Variants in MICAL3 observed in about 807,000 individuals in gnomAD.
MICAL3 encodes [F-actin]-monooxygenase MICAL3.
In MICAL3, 62 loss-of-function variants were observed where a neutral mutation model predicts 207.4. That is an observed-to-expected ratio of 0.30 (90% confidence interval 0.24 to 0.37). The LOEUF is 0.37. Ranked by LOEUF, MICAL3 falls within the 10% of genes least tolerant of loss-of-function variation. The pLI is 1.00. For synonymous variants in MICAL3, 1,077 were observed against 1,069.3 expected (o/e 1.01, Z -0.14); for missense variants, 2,368 against 2,635.6 (o/e 0.90, Z 2.22).
rs1241234299 is a variant in MICAL3 at position 17,791,091 on chromosome 22, G to C, written c.5751-20C>G. On this transcript the variant is annotated intron_variant, in intron 30 of 31. Coordinates refer to ENST00000441493, the MANE Select transcript of MICAL3 (RefSeq NM_015241.3). The stretch of plus-strand genomic sequence containing the variant: ...CGGGCACTGAGGAGGCAGGGCAGGA[G>C]GGAGACAAGCCACAGTGACTGGGGA... 1.2e-6 allele frequency: 2 copies of C among 1,609,616 alleles called. No individual in the cohort carries two copies. The highest frequency in any genetic ancestry group is 1.7e-6 in the Non-Finnish European group (2 of 1,178,784).
At position 17,801,850 on chromosome 22, in the gene MICAL3, C is replaced by T. The variant is rs1019396469; in HGVS notation, c.5650+6994G>A. ...CGGAGCTTGCAGTGAGCCAAAATCGCGCCACTGCATTCCAGCCTGGGCGAC... is the reference window on the plus strand; with the variant it reads ...CGGAGCTTGCAGTGAGCCAAAATCGTGCCACTGCATTCCAGCCTGGGCGAC... On this transcript the variant is annotated intron_variant, in intron 29 of 31. Transcript: ENST00000441493. Among the ~76,000 whole-genome samples, 4 of 151,996 alleles carry T rather than the reference C, an allele frequency of 2.6e-5. No individual in the cohort carries two copies. The Middle Eastern group carries it at 0.01, about 388-fold the overall frequency.
Position 17,871,880 on chromosome 22 carries a change from G to T in MICAL3, c.2385C>A (p.Ala795=). ...HRSCFKCEYC[A]TTLRLSAYAY... ...CGTAGGCCGAGAGGCGCAGGGTGGT[G>T]GCGCAGTACTCGCACTTGAAGCAGC... The change falls in exon 17 of 32, where the codon GCC becomes GCA. Residue 795 remains alanine, a synonymous_variant. Transcript: ENST00000441493. 1 of 1,611,244 alleles carries T rather than the reference G, an allele frequency of 6.2e-7. No individual in the cohort carries two copies. Among genetic ancestry groups the T allele is most frequent in the East Asian group, 2.2e-5 (1 of 44,796 alleles).
At chr22:17,923,882 A>G (rs1932853565) in intron 1 of MICAL3, among the ~76,000 whole-genome samples, 1 of 152,218 alleles carries the variant, frequency 6.6e-6, no homozygotes, top group Admixed American at 6.5e-5. Context: ...GAGACTGGGT[A>G]ATTTATAAAG....
intron 16 of MICAL3, among the ~76,000 whole-genome samples, chr22:17,882,856 C>A (rs2146211766): frequency 6.6e-6 from 1 of 152,322 alleles, no homozygotes; most frequent in Middle Eastern, 3.4e-3. Flanking sequence ...ATTCCACTGC[C>A]CACACAGCCT....
intron 1 of MICAL3, among the ~76,000 whole-genome samples, chr22:17,975,993 G>A (rs1458035209): frequency 9.9e-5 from 15 of 151,996 alleles, no homozygotes; most frequent in Admixed American, 9.8e-4. Context: ...AGGTTGCAGT[G>A]AGCCGAGATA....
chr22:17,937,658 C>T (rs1230287559), intron 1 of MICAL3, among the ~76,000 whole-genome samples: 6 of 152,116 alleles, frequency 3.9e-5, no homozygotes, highest in South Asian at 2.1e-4. Context: ...AGTGAAACTC[C>T]GTCTCAAAAT....
chr22:17,810,695 G>A lies in MICAL3; in HGVS notation c.5556+8C>T, dbSNP rs960457419. 5.6e-5 allele frequency: 91 copies of A among 1,612,096 alleles called. No individual in the cohort carries two copies. Among genetic ancestry groups the A allele is most frequent in the Non-Finnish European group, 7.6e-5 (90 of 1,178,258 alleles). ...CATGTGCCCTGGTCCCATCCTCCATGGTTTTACCTGGGCTCGATGCAGCCG... is the reference window on the plus strand; with the variant it reads ...CATGTGCCCTGGTCCCATCCTCCATAGTTTTACCTGGGCTCGATGCAGCCG... On this transcript the variant is annotated splice_region_variant and intron_variant, in intron 28 of 31. Coordinates refer to ENST00000441493, the MANE Select transcript of MICAL3 (RefSeq NM_015241.3).
At chr22:17,842,588 C>T (rs769998461) in intron 19 of MICAL3, 4 of 159,448 alleles carry the variant, frequency 2.5e-5, no homozygotes, top group East Asian at 3.7e-4. Context: ...GCCACGTGGG[C>T]GATGCTGCCC....
chr22:17,911,595 G>A (rs1372137928), intron 1 of MICAL3, among the ~76,000 whole-genome samples: 1 of 152,188 alleles, frequency 6.6e-6, no homozygotes, highest in Admixed American at 6.5e-5. Context: ...CACTTTAGGA[G>A]GCCAAGGTAG....
chr22:17,977,377 G>C (rs780302132), intron 1 of MICAL3, among the ~76,000 whole-genome samples: 1 of 152,040 alleles, frequency 6.6e-6, no homozygotes, highest in Non-Finnish European at 1.5e-5. Context: ...AACAGCCAAA[G>C]GATTTGGACA....
In MICAL3 at chr22:17,818,742, T is replaced by C. The variant is rs148613283; in HGVS notation, c.3919A>G (p.Arg1307Gly). 6.0e-3 allele frequency: 9,640 copies of C among 1,602,846 alleles called. 51 individuals are homozygous for C. Among genetic ancestry groups the C allele is most frequent in the Middle Eastern group, 0.014 (83 of 6,022 alleles). The change falls in exon 26 of 32, where the codon AGA (arginine) becomes GGA (glycine). Residue 1307 changes from arginine (R) to glycine (G), a missense_variant. By Grantham distance (125) the Arg-to-Gly change is moderately radical. Around this residue, in one of 4 missense-constraint regions of MICAL3, gnomAD observed 1,770 missense variants for 1,863.2 expected, o/e 0.95. Coordinates refer to ENST00000441493, the MANE Select transcript of MICAL3 (RefSeq NM_015241.3). ...PVQSQSDTKDRLGSPLAVDEA... is the reference protein window; with the variant it reads ...PVQSQSDTKDGLGSPLAVDEA... ...TCCACAGCAAGGGGGCTGCCCAGTC[T>C]GTCCTTGGTGTCACTTTGGCTTTGG...
At chr22:17,964,327 G>A (rs1320659906) in intron 1 of MICAL3, among the ~76,000 whole-genome samples, 1 of 152,124 alleles carries the variant, frequency 6.6e-6, no homozygotes, top group African/African-American at 2.4e-5. Flanking sequence ...TTATATGATT[G>A]AGGCCAAATA....
At chr22:17,875,989 G>C (rs1474588779) in intron 16 of MICAL3, among the ~76,000 whole-genome samples, 1 of 152,224 alleles carries the variant, frequency 6.6e-6, no homozygotes, top group Non-Finnish European at 1.5e-5. Flanking sequence ...ATTGGCCTTA[G>C]AAGTAGCAGG....
intron 1 of MICAL3, among the ~76,000 whole-genome samples, chr22:17,926,710 C>T (rs866691296): frequency 7.9e-5 from 12 of 152,324 alleles, no homozygotes; most frequent in Middle Eastern, 6.8e-3. Context: ...AGGCCGGAGG[C>T]GTGGGCGTGC....
intron 1 of MICAL3, among the ~76,000 whole-genome samples, chr22:17,987,099 G>A (rs1921107984): frequency 6.6e-6 from 1 of 152,046 alleles, no homozygotes; most frequent in Non-Finnish European, 1.5e-5. Context: ...AAATTGTCCA[G>A]GCATAGGGGT....
chr22:17,915,137 A>G (rs1932404449), intron 1 of MICAL3, among the ~76,000 whole-genome samples: 1 of 152,254 alleles, frequency 6.6e-6, no homozygotes, highest in Non-Finnish European at 1.5e-5. Flanking sequence ...AAGGGCCGGA[A>G]TCCAATCTAT....
chr22:18,005,651 CA>C (rs1923341844), intron 1 of MICAL3: 1 of 152,140 alleles, frequency 6.6e-6, no homozygotes, highest in South Asian at 2.1e-4. Context: ...ATATTCTGCC[CA>C]TGAGAGTGTG....
intron 1 of MICAL3, chr22:18,001,544 T>G (rs1041003446): frequency 1.3e-5 from 2 of 152,264 alleles, no homozygotes; most frequent in Non-Finnish European, 2.9e-5. Context: ...GGGCGGGGGT[T>G]GTGGCCCTCG....
chr22:17,899,909 A>T (rs1569124320), intron 6 of MICAL3, among the ~76,000 whole-genome samples: 1 of 152,218 alleles, frequency 6.6e-6, no homozygotes, highest in Non-Finnish European at 1.5e-5. Flanking sequence ...AAGCTGGAGG[A>T]ATCTCCTAGA....
Sources: allele counts gnomAD v4.1 joint callset (sites outside exome capture counted in the v4.1 genomes callset), GRCh38; gene constraint gnomAD v4.1.1; regional missense constraint gnomAD v4.1.1; transcripts MANE v1.5; gene names NCBI Gene and HGNC (gene_info 2026-07-23, HGNC 2026-07-21).